The following COP1 variants were observed in gnomAD, a reference collection of about 807,000 sequenced individuals.
The protein encoded by COP1 is COP1 E3 ubiquitin ligase.
A neutral mutation model predicts 101.3 loss-of-function variants in COP1; 24 were observed. That is an observed-to-expected ratio of 0.24 (90% CI 0.17 to 0.33). The LOEUF (loss-of-function observed/expected upper bound fraction) is 0.33, where lower values mean the gene tolerates loss of function less well. Ranked by LOEUF, COP1 falls within the 10% of genes least tolerant of loss-of-function variation. The probability of loss-of-function intolerance (pLI) is 1.00; values close to 1 mark genes in which losing one functional copy is unlikely to be tolerated. For missense variants in COP1, 663 were observed against 906.2 expected (o/e 0.73, Z 3.45); for synonymous variants, 347 against 341.9 (o/e 1.01, Z -0.17).
At chr1:176,182,847 T>C (rs1697967954) in intron 2 of COP1, among the ~76,000 whole-genome samples, 1 of 152,128 alleles carries the variant, frequency 6.6e-6, no homozygotes, top group Non-Finnish European at 1.5e-5. Context: ...GTCAATGATA[T>C]ACCAGAAAAT....
intron 15 of COP1, among the ~76,000 whole-genome samples, chr1:176,020,717 T>G (rs1226080991): frequency 1.3e-5 from 2 of 152,140 alleles, no homozygotes; most frequent in Non-Finnish European, 2.9e-5. Context: ...GCTTTATCAC[T>G]GGGAAATGTA....
intron 5 of COP1, among the ~76,000 whole-genome samples, chr1:176,153,403 A>G (rs1022370474): frequency 6.6e-6 from 1 of 152,242 alleles, no homozygotes; most frequent in Non-Finnish European, 1.5e-5. Context: ...TTGTACTGAC[A>G]GAAATGAATA....
At position 176,022,060 on chromosome 1, in the gene COP1, T is replaced by C. The variant is rs116086880; in HGVS notation, c.1729+5512A>G. Among the ~76,000 whole-genome samples the C allele has an allele frequency of 1.5e-3, 236 of 152,358 alleles. 3 individuals carry two copies. Among genetic ancestry groups the C allele is most frequent in the African/African-American group, 5.5e-3 (227 of 41,590 alleles). On this transcript the variant is annotated intron_variant, in intron 15 of 19. Transcript: ENST00000367669. ...GCATTTTCATTTTAATTAATGTATTTTGAGGCAATGTTATTACATACACAA... is the reference window on the plus strand; with the variant it reads ...GCATTTTCATTTTAATTAATGTATTCTGAGGCAATGTTATTACATACACAA...
At chr1:176,021,802 G>A (rs1471362186) in intron 15 of COP1, among the ~76,000 whole-genome samples, 2 of 152,118 alleles carry the variant, frequency 1.3e-5, no homozygotes, top group Non-Finnish European at 2.9e-5. Flanking sequence ...GATATATTGG[G>A]ATCAGAATGA....
At chr1:175,959,574 T>C (rs1325718438) in intron 18 of COP1, among the ~76,000 whole-genome samples, 3 of 152,088 alleles carry the variant, frequency 2.0e-5, no homozygotes, top group Non-Finnish European at 4.4e-5. Flanking sequence ...TAGAAATGAA[T>C]AATTAAAATT....
intron 19 of COP1, among the ~76,000 whole-genome samples, chr1:175,946,451 C>T (rs1005872360): frequency 5.3e-5 from 8 of 152,096 alleles, no homozygotes; most frequent in African/African-American, 1.4e-4. Flanking sequence ...GAAACACACA[C>T]GTTATGTTAA....
chr1:176,019,278 T>C (rs1442261587), intron 15 of COP1, among the ~76,000 whole-genome samples: 1 of 151,204 alleles, frequency 6.6e-6, no homozygotes, highest in Non-Finnish European at 1.5e-5. Context: ...GCCTGACAAA[T>C]GTGGTGAAAC....
At chr1:175,945,647 A>T (rs969622381) in intron 19 of COP1, among the ~76,000 whole-genome samples, 2 of 152,190 alleles carry the variant, frequency 1.3e-5, no homozygotes, top group African/African-American at 4.8e-5. Flanking sequence ...TAGCGTCCAG[A>T]TACTTTGTAT....
chr1:176,151,353 AAAAGAAAGAAAGAAAGAAAGAAAG>A lies in COP1; in HGVS notation c.763-2303_763-2280del, dbSNP rs200187869. Among the ~76,000 whole-genome samples, 1,147 of 116,084 alleles carry A rather than the reference AAAAGAAAGAAAGAAAGAAAGAAAG, an allele frequency of 9.9e-3. 8 individuals are homozygous for A. Among genetic ancestry groups the A allele is most frequent in the South Asian group, 0.015 (47 of 3,226 alleles). 76.2% of individuals were successfully genotyped at this position (116,084 alleles called of 152,430 possible). A position where few individuals can be genotyped will look rare whatever the true frequency, so the allele number is the denominator to read the frequency against. The stretch of plus-strand genomic sequence containing the variant: ...AAAGAAAGAAGGAAGGAAAGAAAGA[AAAAGAAAGAAAGAAAGAAAGAAAG>A]AAAGAAAGAAAGAAAGAAAGAAAGA... On this transcript the variant is annotated intron_variant, in intron 5 of 19. Transcript: ENST00000367669.
chr1:176,082,582 G>C (rs556162274), intron 10 of COP1, among the ~76,000 whole-genome samples: 73 of 152,144 alleles, frequency 4.8e-4, no homozygotes, highest in Non-Finnish European at 8.4e-4. Flanking sequence ...CGAGGCAGGC[G>C]GATCACCTGA....
intron 10 of COP1, among the ~76,000 whole-genome samples, chr1:176,084,423 C>CT (rs1328575440): frequency 2.0e-5 from 3 of 152,154 alleles, no homozygotes; most frequent in African/African-American, 7.2e-5. Context: ...AATGGCCACA[C>CT]TGCCCAAAGT....
intron 11 of COP1, among the ~76,000 whole-genome samples, chr1:176,057,894 G>A (rs1437764937): frequency 2.6e-5 from 4 of 151,734 alleles, no homozygotes; most frequent in Admixed American, 6.6e-5. Context: ...AGTGAGGAGC[G>A]TCTCTGCCCG....
chr1:176,164,554 G>A lies in COP1; in HGVS notation c.566-663C>T, dbSNP rs191001914. On this transcript the variant is annotated intron_variant, in intron 3 of 19. Transcript: ENST00000367669. ...GAGAGATGTGCTATCTTTCAGAAAG[G>A]AAAGGATAGGAGAAAAAAACCATGC... Among the ~76,000 whole-genome samples, 398 of 152,194 alleles carry A rather than the reference G, an allele frequency of 2.6e-3. 3 individuals carry two copies. Among genetic ancestry groups the A allele is most frequent in the African/African-American group, 9.2e-3 (380 of 41,526 alleles).
Position 176,060,504 on chromosome 1 carries a change from C to T in COP1, c.1278-14180G>A, listed in dbSNP as rs12077980. Among the ~76,000 whole-genome samples the T allele has an allele frequency of 3.7e-3, 570 of 152,180 alleles. 5 individuals are homozygous for T. The highest frequency in any genetic ancestry group is 0.013 in the African/African-American group (541 of 41,534). The stretch of plus-strand genomic sequence containing the variant: ...TTGAAATGTGTGTTTAGTAAAAGTA[C>T]AACAGAGACTCAACAGAGAATCATA... On this transcript the variant is annotated intron_variant, in intron 11 of 19. Coordinates refer to ENST00000367669, the MANE Select transcript of COP1 (RefSeq NM_022457.7).
At chr1:176,052,955 T>C (rs1187799551) in intron 11 of COP1, among the ~76,000 whole-genome samples, 1 of 152,138 alleles carries the variant, frequency 6.6e-6, no homozygotes, top group Non-Finnish European at 1.5e-5. Context: ...TGTATCAAAT[T>C]ATTTAACCAG....
intron 3 of COP1, among the ~76,000 whole-genome samples, chr1:176,165,530 A>C (rs1419001736): frequency 1.3e-5 from 2 of 152,034 alleles, no homozygotes; most frequent in African/African-American, 4.8e-5. Context: ...CCCTGCCTCT[A>C]CTAAAAATAG....
intron 11 of COP1, among the ~76,000 whole-genome samples, chr1:176,066,908 TG>T (rs1342734673): frequency 5.3e-5 from 8 of 152,210 alleles, no homozygotes; most frequent in African/African-American, 1.9e-4. Flanking sequence ...GGTTACCAGC[TG>T]TTTTCCAGAC....
At chr1:176,008,769 C>G (rs1467202898) in intron 15 of COP1, among the ~76,000 whole-genome samples, 2 of 152,186 alleles carry the variant, frequency 1.3e-5, no homozygotes, top group Non-Finnish European at 2.9e-5. Flanking sequence ...AATGACTTCC[C>G]TGGGACTAAA....
At chr1:176,040,081 AAAT>A (rs1458907660) in intron 14 of COP1, among the ~76,000 whole-genome samples, 3 of 152,230 alleles carry the variant, frequency 2.0e-5, no homozygotes, top group African/African-American at 7.2e-5. Context: ...ACACAAGAAA[AAAT>A]AAACTCACCA....
Sources: gnomAD v4.1 joint callset for allele counts (sites outside exome capture counted in the v4.1 genomes callset) on GRCh38, gnomAD v4.1.1 for gene constraint, MANE v1.5 for transcripts, NCBI Gene and HGNC (gene_info 2026-07-23, HGNC 2026-07-21) for gene names.